FNIP1: variants seen among roughly 807,000 people sequenced by gnomAD.
FNIP1 encodes folliculin-interacting protein 1.
Under a neutral mutation model 124.5 loss-of-function variants are expected in FNIP1, and 40 were observed. That is an observed-to-expected ratio of 0.32 (90% CI 0.25 to 0.42). FNIP1 has a LOEUF of 0.42. Among genes scored for constraint, FNIP1 ranks in the 10% least tolerant of loss-of-function variants. The probability of loss-of-function intolerance (pLI) is 1.00; values close to 1 mark genes in which losing one functional copy is unlikely to be tolerated. For synonymous variants in FNIP1, 472 were observed against 470.6 expected, an observed-to-expected ratio of 1.00 and a Z score of -0.04; for missense variants, 1,176 against 1,403.7, an observed-to-expected ratio of 0.84 and a Z score of 2.59.
intron 1 of FNIP1, among the ~76,000 whole-genome samples, chr5:131,781,203 T>C (rs1771985139): frequency 6.6e-6 from 1 of 152,200 alleles, no homozygotes; most frequent in Non-Finnish European, 1.5e-5. Flanking sequence ...AGTTTGAAAG[T>C]AGTATAGGTT....
intron 2 of FNIP1, among the ~76,000 whole-genome samples, chr5:131,734,722 C>T (rs976054617): frequency 2.0e-5 from 3 of 152,168 alleles, no homozygotes; most frequent in Non-Finnish European, 4.4e-5. Flanking sequence ...TGCTCATCAT[C>T]ACTGGCCATC....
chr5:131,793,580 T>C (rs552868376), intron 1 of FNIP1, among the ~76,000 whole-genome samples: 4 of 152,330 alleles, frequency 2.6e-5, no homozygotes, highest in South Asian at 2.1e-4. Flanking sequence ...GAAATCGATA[T>C]GGTAAGAGAC....
Position 131,679,129 on chromosome 5 carries a change from C to T in FNIP1, c.1249G>A (p.Val417Ile), listed in dbSNP as rs1767997519. ...LYTMPRIGEP[V>I]WLTMMSGTPE... ...GTCCCCGACATCATTGTAAGCCAGA[C>T]AGGTTCTCCAATTCGTGGCATCGTG... The change falls in exon 12 of 18, where the codon GTC (valine) becomes ATC (isoleucine). Residue 417 changes from valine to isoleucine, a missense_variant. Val to Ile is a conservative substitution (Grantham distance 29). Transcript: ENST00000510461. The T allele has an allele frequency of 6.2e-7, 1 of 1,602,686 alleles. No homozygotes were observed. Among genetic ancestry groups the T allele is most frequent in the Non-Finnish European group, 8.5e-7 (1 of 1,170,100 alleles).
At chr5:131,728,794 C>T (rs1054457444) in intron 3 of FNIP1, among the ~76,000 whole-genome samples, 8 of 152,150 alleles carry the variant, frequency 5.3e-5, no homozygotes, top group African/African-American at 1.9e-4. Flanking sequence ...GCCTTTTATG[C>T]TCGTTTTTCC....
At chr5:131,724,189 T>A (rs969299598) in intron 3 of FNIP1, among the ~76,000 whole-genome samples, 1 of 152,220 alleles carries the variant, frequency 6.6e-6, no homozygotes, top group Non-Finnish European at 1.5e-5. Context: ...TGTGTCTTTA[T>A]ACTAGAATGA....
chr5:131,656,949 A>T (rs1266010869), intron 15 of FNIP1, among the ~76,000 whole-genome samples: 1 of 151,564 alleles, frequency 6.6e-6, no homozygotes, highest in African/African-American at 2.4e-5. Flanking sequence ...CAGCCCTGCT[A>T]GTCTTCTGAT....
intron 2 of FNIP1, among the ~76,000 whole-genome samples, chr5:131,741,697 T>A (rs1322716512): frequency 1.3e-5 from 2 of 152,200 alleles, no homozygotes; most frequent in East Asian, 3.8e-4. Context: ...CTATAATCTT[T>A]ACAAGGAAAA....
At chr5:131,766,098 ACTG>A (rs1771413585) in intron 1 of FNIP1, among the ~76,000 whole-genome samples, 1 of 150,970 alleles carries the variant, frequency 6.6e-6, no homozygotes, top group African/African-American at 2.4e-5. Context: ...CTATAGTGTT[ACTG>A]CTTTTTCTTT....
At chr5:131,749,215 T>C (rs913089113) in intron 1 of FNIP1, among the ~76,000 whole-genome samples, 1 of 152,092 alleles carries the variant, frequency 6.6e-6, no homozygotes, top group Admixed American at 6.5e-5. Flanking sequence ...TTAATAAATT[T>C]AATGTAGCCT....
At position 131,797,001 on chromosome 5, in the gene FNIP1, G is replaced by T; in HGVS notation, c.-80C>A. 2.3e-6 allele frequency: 3 copies of T among 1,296,412 alleles called. No individual in the cohort carries two copies. Among genetic ancestry groups the T allele is most frequent in the Non-Finnish European group, 3.2e-6 (3 of 932,948 alleles). The allele number at this position is 1,296,412 out of a possible 1,614,324, so 80.3% of individuals were successfully genotyped here. On this transcript the variant is annotated 5_prime_UTR_variant, in exon 1 of 18. Coordinates refer to ENST00000510461, the MANE Select transcript of FNIP1 (RefSeq NM_133372.3). ...CCTACAGCCGCCCCGCCACCCCCAT[G>T]GGCGCCTCAGTCATATGACAGAAAT...
At chr5:131,760,581 A>G (rs916343917) in intron 1 of FNIP1, among the ~76,000 whole-genome samples, 3 of 152,134 alleles carry the variant, frequency 2.0e-5, no homozygotes, top group African/African-American at 7.2e-5. Flanking sequence ...CTTATCAAAC[A>G]TGAAGATTTT....
intron 11 of FNIP1, among the ~76,000 whole-genome samples, chr5:131,693,030 A>G (rs1449000825): frequency 6.6e-6 from 1 of 151,496 alleles, no homozygotes; most frequent in South Asian, 2.1e-4. Flanking sequence ...TTAAAAAAAA[A>G]AATTTCAGGG....
chr5:131,660,901 G>A (rs1166416059), intron 15 of FNIP1, among the ~76,000 whole-genome samples: 1 of 152,194 alleles, frequency 6.6e-6, no homozygotes, highest in Non-Finnish European at 1.5e-5. Flanking sequence ...ACACACTGCT[G>A]ACCCATGGTG....
At chr5:131,682,035 TG>T (rs1237654941) in intron 11 of FNIP1, among the ~76,000 whole-genome samples, 1 of 152,146 alleles carries the variant, frequency 6.6e-6, no homozygotes, top group Non-Finnish European at 1.5e-5. Context: ...CTGGGAAGAA[TG>T]GGGTGAGTAG....
intron 1 of FNIP1, among the ~76,000 whole-genome samples, chr5:131,795,111 T>G (rs1019880922): frequency 5.3e-5 from 8 of 152,248 alleles, no homozygotes; most frequent in Non-Finnish European, 8.8e-5. Flanking sequence ...ATGCCTATTC[T>G]GTTTCATCAG....
rs933846950 is a variant in FNIP1 at position 131,643,188 on chromosome 5, T to C, written c.*1497A>G. On this transcript the variant is annotated 3_prime_UTR_variant, in exon 18 of 18. Transcript: ENST00000510461. ...TTTCTTTGTCTAGTTGGAAGTCTCT[T>C]GAATACATACACAGCAAGGCAAAAT... 6 of 152,312 alleles carry C rather than the reference T, an allele frequency of 3.9e-5. No homozygotes were observed. Among genetic ancestry groups the C allele is most frequent in the African/African-American group, 1.2e-4 (5 of 41,442 alleles). 9.4% of individuals were successfully genotyped at this position (152,312 alleles called of 1,614,324 possible).
At chr5:131,736,331 A>G (rs960759623) in intron 2 of FNIP1, among the ~76,000 whole-genome samples, 1 of 152,252 alleles carries the variant, frequency 6.6e-6, no homozygotes, top group Non-Finnish European at 1.5e-5. Context: ...AGAAACGTGA[A>G]GCTCAAACAG....
At chr5:131,719,555 C>A in intron 3 of FNIP1, 138 bp from the exon 4 acceptor site, 1 of 663,238 alleles carries the variant, frequency 1.5e-6, no homozygotes. Flanking sequence ...CGCTGTTCTG[C>A]AACTCGATTT....
At chr5:131,735,567 T>C (rs1234813172) in intron 2 of FNIP1, among the ~76,000 whole-genome samples, 2 of 148,606 alleles carry the variant, frequency 1.3e-5, no homozygotes, top group Non-Finnish European at 3.0e-5. Flanking sequence ...TACACATATT[T>C]ATATATGTAT....
Sources: gnomAD v4.1 joint callset for allele counts (sites outside exome capture counted in the v4.1 genomes callset) on GRCh38, gnomAD v4.1.1 for gene constraint, MANE v1.5 for transcripts, NCBI Gene and HGNC (gene_info 2026-07-23, HGNC 2026-07-21) for gene names.